The following MBD5 variants were observed in gnomAD, a reference collection of about 807,000 sequenced individuals.
MBD5 encodes methyl-CpG-binding domain protein 5.
MBD5 carries 13 observed loss-of-function variants against 117.3 expected under a neutral mutation model. That is an observed-to-expected ratio of 0.11 (90% confidence interval 0.07 to 0.18). The LOEUF (loss-of-function observed/expected upper bound fraction) is 0.18, where lower values mean the gene tolerates loss of function less well. MBD5 is among the 10% of genes least tolerant of loss of function. The pLI is 1.00. For missense variants in MBD5, 1,879 were observed against 2,093.8 expected, an observed-to-expected ratio of 0.90 and a Z score of 2.00; for synonymous variants, 727 against 766.4, an observed-to-expected ratio of 0.95 and a Z score of 0.85.
rs1190019130 is a variant in MBD5, at chr2:148,150,433, T to C, written c.-924-28267T>C. Among the ~76,000 whole-genome samples the C allele has an allele frequency of 2.0e-5, 3 of 152,174 alleles. No homozygotes were observed. The East Asian group carries it at 5.8e-4, about 29-fold the overall frequency. On this transcript the variant is annotated intron_variant, in intron 1 of 13. Transcript: ENST00000642680. Reference sequence around the variant, plus strand: ...TGACTTGGCGATGCAGGCTCTTTTTTGGTTCCATATGAACTTTAAAGTATT... The same window carrying C: ...TGACTTGGCGATGCAGGCTCTTTTTCGGTTCCATATGAACTTTAAAGTATT...
chr2:148,110,879 A>G (rs1262339456), intron 1 of MBD5, among the ~76,000 whole-genome samples: 1 of 151,470 alleles, frequency 6.6e-6, no homozygotes, highest in Non-Finnish European at 1.5e-5. Flanking sequence ...TGCTATTTTT[A>G]TCATTTCTCA....
chr2:148,299,782 G>C (rs1443650547), intron 3 of MBD5, among the ~76,000 whole-genome samples: 1 of 152,108 alleles, frequency 6.6e-6, no homozygotes, highest in Non-Finnish European at 1.5e-5. Context: ...AAATGTCTGA[G>C]GACCTGTAGA....
intron 3 of MBD5, among the ~76,000 whole-genome samples, chr2:148,334,461 C>A (rs1255639658): frequency 6.6e-6 from 1 of 151,852 alleles, no homozygotes; most frequent in Non-Finnish European, 1.5e-5. Context: ...GTCCCCCAAG[C>A]AGTTGAGACT....
At chr2:148,160,024 A>G (rs536844705) in intron 1 of MBD5, among the ~76,000 whole-genome samples, 61 of 152,330 alleles carry the variant, frequency 4.0e-4, no homozygotes, top group African/African-American at 1.4e-3. Context: ...TGTGATGCAC[A>G]CTGGCTCTCA....
intron 1 of MBD5, among the ~76,000 whole-genome samples, chr2:148,076,177 T>C (rs1199583937): frequency 1.0e-5 from 1 of 97,980 alleles, no homozygotes; most frequent in Non-Finnish European, 2.1e-5. Flanking sequence ...AAAGTCGTCG[T>C]TTTTTGTTGT....
At chr2:148,063,955 T>C (rs1695108829) in intron 1 of MBD5, among the ~76,000 whole-genome samples, 1 of 152,034 alleles carries the variant, frequency 6.6e-6, no homozygotes, top group African/African-American at 2.4e-5. Flanking sequence ...ATTGCCACCC[T>C]GTTTGCTCAG....
intron 3 of MBD5, among the ~76,000 whole-genome samples, chr2:148,323,245 T>C (rs189968269): frequency 6.0e-4 from 92 of 152,284 alleles, no homozygotes; most frequent in Non-Finnish European, 9.7e-4. Flanking sequence ...CAGACTATGA[T>C]TGTTGGACAT....
chr2:148,211,612 A>G (rs1699423173), intron 2 of MBD5, among the ~76,000 whole-genome samples: 1 of 152,068 alleles, frequency 6.6e-6, no homozygotes, highest in African/African-American at 2.4e-5. Context: ...GAACTCTTTT[A>G]CAATTTTTTT....
intron 1 of MBD5, among the ~76,000 whole-genome samples, chr2:148,158,813 G>A (rs1421963161): frequency 6.6e-6 from 1 of 152,196 alleles, no homozygotes; most frequent in Admixed American, 6.5e-5. Flanking sequence ...TCCGCCTCCC[G>A]GGTTCAAGTC....
intron 3 of MBD5, among the ~76,000 whole-genome samples, chr2:148,336,270 C>T (rs1702786170): frequency 6.6e-6 from 1 of 152,180 alleles, no homozygotes; most frequent in African/African-American, 2.4e-5. Flanking sequence ...GGTACCCCCA[C>T]CAATAACATT....
chr2:148,136,190 A>G (rs960498075), intron 1 of MBD5, among the ~76,000 whole-genome samples: 15 of 152,116 alleles, frequency 9.9e-5, no homozygotes, highest in Admixed American at 9.2e-4. Flanking sequence ...TCAAAGTACA[A>G]CTTTTTCAGA....
chr2:148,119,774 G>A (rs756776273), intron 1 of MBD5, among the ~76,000 whole-genome samples: 2 of 152,106 alleles, frequency 1.3e-5, no homozygotes, highest in Non-Finnish European at 2.9e-5. Flanking sequence ...CTGATTGAAT[G>A]TTCTTAGTAC....
At chr2:148,268,415 T>G (rs1490874153) in intron 3 of MBD5, among the ~76,000 whole-genome samples, 1 of 152,078 alleles carries the variant, frequency 6.6e-6, no homozygotes, top group African/African-American at 2.4e-5. Context: ...ATGTTATCTT[T>G]CTATTTATAT....
intron 1 of MBD5, chr2:148,025,962 G>A (rs773177591): frequency 3.4e-4 from 52 of 152,134 alleles, no homozygotes; most frequent in Admixed American, 7.2e-4. Context: ...TTCCTGTCAT[G>A]GCTTTCATGT....
chr2:148,459,018 G>A (rs1362969447), intron 5 of MBD5, 147 bp downstream of exon 5: 6 of 710,860 alleles, frequency 8.4e-6, no homozygotes. Context: ...TATTGCCTTA[G>A]ATTTCCAGAG....
chr2:148,379,296 A>C (rs1704070075), intron 4 of MBD5, among the ~76,000 whole-genome samples: 1 of 152,146 alleles, frequency 6.6e-6, no homozygotes, highest in Admixed American at 6.5e-5. Context: ...GAAAAGAAAC[A>C]ATGAAATTTA....
chr2:148,111,259 C>T (rs1392157116), intron 1 of MBD5, among the ~76,000 whole-genome samples: 3 of 152,154 alleles, frequency 2.0e-5, no homozygotes, highest in Non-Finnish European at 2.9e-5. Flanking sequence ...GCCTGATATC[C>T]TGTGCCTTCA....
chr2:148,029,489 T>A (rs1266822090), intron 1 of MBD5, among the ~76,000 whole-genome samples: 5 of 152,040 alleles, frequency 3.3e-5, no homozygotes, highest in Admixed American at 3.3e-4. Context: ...ATGAAAGGAG[T>A]CTAGTCCCAC....
At chr2:148,449,252 C>T (rs4972364) in intron 4 of MBD5, among the ~76,000 whole-genome samples, 134,070 of 152,038 alleles carry the variant, frequency 0.88, 59,613 homozygotes, top group East Asian at 1. Context: ...ATTTTCCACA[C>T]ATGCATATAG....
Sources: allele counts gnomAD v4.1 joint callset (sites outside exome capture counted in the v4.1 genomes callset), GRCh38; gene constraint gnomAD v4.1.1; transcripts MANE v1.5; gene names NCBI Gene and HGNC (gene_info 2026-07-23, HGNC 2026-07-21).